Variants in VPS29 observed in about 807,000 individuals in gnomAD.
VPS29 encodes vacuolar protein sorting-associated protein 29.
In VPS29, 2 loss-of-function variants were observed where a neutral mutation model predicts 20.0. The ratio of observed to expected loss-of-function variants is 0.10; its 90% confidence interval spans 0.04 to 0.31. VPS29 has a LOEUF of 0.31. Among genes scored for constraint, VPS29 ranks in the 10% least tolerant of loss-of-function variants. The pLI is 1.00. For missense variants in VPS29, 120 were observed against 215.3 expected (o/e 0.56, Z 2.77); for synonymous variants, 81 against 79.3 (o/e 1.02, Z -0.12).
At chr12:110,496,889 C>T (rs1166143574) in intron 1 of VPS29, 3 of 152,072 alleles carry the variant, frequency 2.0e-5, no homozygotes, top group African/African-American at 7.2e-5. Context: ...TAAATGTGTG[C>T]TTTTGAATTA....
intron 1 of VPS29, among the ~76,000 whole-genome samples, chr12:110,499,936 G>A (rs1049493603): frequency 1.3e-5 from 2 of 152,106 alleles, no homozygotes; most frequent in Non-Finnish European, 2.9e-5. Flanking sequence ...AGACACTGTG[G>A]AAAATTTATC....
chr12:110,497,531 C>G (rs1026207139), intron 1 of VPS29, among the ~76,000 whole-genome samples: 5 of 151,352 alleles, frequency 3.3e-5, no homozygotes, highest in African/African-American at 1.2e-4. Context: ...TTAAAAATTT[C>G]AAGATTTGAG....
chr12:110,499,381 T>A, intron 1 of VPS29: 1 of 1,048,256 alleles, frequency 9.5e-7, no homozygotes. Flanking sequence ...ATCCTGGAAA[T>A]GGCAGTCTTA....
chr12:110,492,261 G>T (rs1318790794), intron 3 of VPS29, 139 bp from the exon 4 acceptor site: 10 of 703,302 alleles, frequency 1.4e-5, no homozygotes, highest in African/African-American at 1.8e-5. Flanking sequence ...TGCCAAAATG[G>T]CTAGATTTAT....
At chr12:110,493,418 G>A (rs1592990722) in intron 2 of VPS29, among the ~76,000 whole-genome samples, 187 bp from the exon 3 acceptor site, 3 of 150,394 alleles carry the variant, frequency 2.0e-5, no homozygotes, top group Non-Finnish European at 4.4e-5. Context: ...GGAGTGCAGT[G>A]GTACCATCTT....
At chr12:110,496,405 A>G (rs1281107608) in intron 1 of VPS29, 3 of 452,606 alleles carry the variant, frequency 6.6e-6, no homozygotes, top group Non-Finnish European at 1.2e-5. Flanking sequence ...GCTTTGGGAT[A>G]GGTTTCATCA....
chr12:110,495,856 G>A (rs1565860855), intron 2 of VPS29, among the ~76,000 whole-genome samples, 156 bp downstream of exon 2: 2 of 151,884 alleles, frequency 1.3e-5, no homozygotes, highest in African/African-American at 4.8e-5. Context: ...AAATAGTAAG[G>A]GAGGGGCATG....
chr12:110,493,121 C>T lies in VPS29; in HGVS notation c.306G>A (p.Leu102=). The T allele has an allele frequency of 6.8e-6, 11 of 1,614,012 alleles. No homozygotes were observed. The highest frequency in any genetic ancestry group is 9.3e-6 in the Non-Finnish European group (11 of 1,179,968). The part of the protein sequence containing the change: ...PWGDMASLAL[L]QRQFDVDILI... ...GAATGTCCACATCAAATTGCCTCTG[C>T]AACAGGGCTAAGCTGGCCATATCTC... The change falls in exon 3 of 4, where the codon TTG becomes TTA. Residue 102 remains leucine (L), a synonymous_variant. Coordinates refer to ENST00000549578, the MANE Select transcript of VPS29 (RefSeq NM_016226.5).
intron 2 of VPS29, among the ~76,000 whole-genome samples, chr12:110,494,503 CT>C (rs2062870417): frequency 6.6e-6 from 1 of 151,930 alleles, no homozygotes; most frequent in Admixed American, 6.6e-5. Flanking sequence ...ATCCACCTGC[CT>C]CGGCCTCCCA....
chr12:110,493,421 A>G (rs1592990729), intron 2 of VPS29, among the ~76,000 whole-genome samples, 190 bp from the exon 3 acceptor site: 1 of 149,912 alleles, frequency 6.7e-6, no homozygotes, highest in Non-Finnish European at 1.5e-5. Context: ...GTGCAGTGGT[A>G]CCATCTTGGC....
intron 2 of VPS29, 65 bp downstream of exon 2, chr12:110,495,947 T>C: frequency 2.2e-6 from 3 of 1,379,260 alleles, no homozygotes; most frequent in Non-Finnish European, 2.9e-6. Context: ...GGTCTAAAGA[T>C]AAAGCTTATG....
intron 3 of VPS29, among the ~76,000 whole-genome samples, chr12:110,492,676 C>G (rs1182153914): frequency 6.6e-6 from 1 of 150,924 alleles, no homozygotes; most frequent in Admixed American, 6.6e-5. Flanking sequence ...GGCTGGAGTA[C>G]AGAGCCTCAA....
intron 2 of VPS29, 78 bp downstream of exon 2, chr12:110,495,934 C>T (rs1280872321): frequency 3.8e-6 from 5 of 1,324,722 alleles, no homozygotes; most frequent in Non-Finnish European, 4.0e-6. Context: ...GTTGAGAAAC[C>T]CTGGTCTAAA....
At chr12:110,492,569 C>G (rs1489190935) in intron 3 of VPS29, among the ~76,000 whole-genome samples, 1 of 123,244 alleles carries the variant, frequency 8.1e-6, no homozygotes, top group South Asian at 2.5e-4. Context: ...GACTCTGTCT[C>G]AAAAAAAAAA....
chr12:110,492,431 G>C (rs534238159), intron 3 of VPS29, among the ~76,000 whole-genome samples: 1 of 151,896 alleles, frequency 6.6e-6, no homozygotes, highest in Non-Finnish European at 1.5e-5. Flanking sequence ...TTAGCCAGGC[G>C]TGGTGGCGGG....
intron 1 of VPS29, 157 bp downstream of exon 1, chr12:110,501,892 T>C (rs758326756): frequency 3.3e-6 from 5 of 1,527,272 alleles, no homozygotes; most frequent in South Asian, 1.2e-5. Context: ...CTTCCTTCCC[T>C]AGACCTCTTC....
At chr12:110,500,595 T>C (rs1361437558) in intron 1 of VPS29, among the ~76,000 whole-genome samples, 1 of 152,182 alleles carries the variant, frequency 6.6e-6, no homozygotes, top group Non-Finnish European at 1.5e-5. Flanking sequence ...CTGTTTGTCA[T>C]GCAATAGTAA....
chr12:110,499,688 T>G lies in VPS29; in HGVS notation c.3+2361A>C, dbSNP rs148185338. ...AACCCATACCAAATGAGCAAACAAT[T>G]GTTAATGATTTCTGAGTGTTATGAA... On this transcript the variant is annotated intron_variant, in intron 1 of 3. Coordinates refer to ENST00000549578, the MANE Select transcript of VPS29 (RefSeq NM_016226.5). 409 of 635,534 alleles carry G rather than the reference T, an allele frequency of 6.4e-4. 3 individuals carry two copies. In the East Asian group the frequency reaches 9.9e-3, roughly 15 times the overall value. The allele number at this position is 635,534 out of a possible 1,614,324, so 39.4% of individuals were successfully genotyped here.
At position 110,499,466 on chromosome 12, in the gene VPS29, G is replaced by A. The variant is rs186387092; in HGVS notation, c.3+2583C>T. The A allele has an allele frequency of 2.5e-6, 4 of 1,604,732 alleles. No individual in the cohort carries two copies. The East Asian group carries it at 6.7e-5, about 27-fold the overall frequency. On this transcript the variant is annotated intron_variant, in intron 1 of 3. Transcript: ENST00000549578. The stretch of plus-strand genomic sequence containing the variant: ...CTTCCTTTCAACAGACCTTAAAAGG[G>A]TAAGAAATCCAGTCAGTAAACAGCC...
Sources: gnomAD v4.1 joint callset for allele counts (sites outside exome capture counted in the v4.1 genomes callset) on GRCh38, gnomAD v4.1.1 for gene constraint, MANE v1.5 for transcripts, NCBI Gene and HGNC (gene_info 2026-07-23, HGNC 2026-07-21) for gene names.